Variants in CTNNA1 observed in about 807,000 individuals in gnomAD.
CTNNA1 encodes the protein catenin alpha 1, also known as catenin alpha-1.
Under a neutral mutation model 98.4 loss-of-function variants are expected in CTNNA1, and 37 were observed. That is an observed-to-expected ratio of 0.38 (90% confidence interval 0.29 to 0.49). The LOEUF is 0.49. CTNNA1 is among the 20% of genes least tolerant of loss of function. The pLI, the probability that CTNNA1 is intolerant of heterozygous loss-of-function variation, is 0.95. For synonymous variants in CTNNA1, 404 were observed against 413.2 expected (o/e 0.98, Z 0.27); for missense variants, 761 against 1,147.2 (o/e 0.66, Z 4.86).
At chr5:138,828,462 C>A (rs1760946228) in intron 7 of CTNNA1, among the ~76,000 whole-genome samples, 1 of 151,730 alleles carries the variant, frequency 6.6e-6, no homozygotes, top group Middle Eastern at 3.2e-3. Context: ...TATACTTCTT[C>A]TATTCTGGTT....
At position 138,767,071 on chromosome 5, in the gene CTNNA1, C is replaced by G. The variant is rs143929596; in HGVS notation, c.-3+13561C>G. Among the ~76,000 whole-genome samples, 721 of 152,246 alleles carry G rather than the reference C, an allele frequency of 4.7e-3. 2 individuals are homozygous for G. Among genetic ancestry groups the G allele is most frequent in the African/African-American group, 0.015 (606 of 41,520 alleles). On this transcript the variant is annotated intron_variant, in intron 1 of 17. Transcript: ENST00000302763. ...TTTTTTTTGAGACAAGAGTCTCGCT[C>G]TGTCGTCCAGGCTGGAGTGCAGTGG... is the stretch of plus-strand genomic sequence containing the variant.
chr5:138,887,810 T>A, intron 9 of CTNNA1, 168 bp downstream of exon 9: 1 of 579,574 alleles, frequency 1.7e-6, no homozygotes, highest in Non-Finnish European at 3.0e-6. Flanking sequence ...ACTACCATTT[T>A]GGTCACTTTA....
At chr5:138,828,633 T>C (rs940422613) in intron 7 of CTNNA1, among the ~76,000 whole-genome samples, 1 of 152,218 alleles carries the variant, frequency 6.6e-6, no homozygotes. Flanking sequence ...TTTACCTGTT[T>C]AACACCTAAA....
At chr5:138,823,994 A>G (rs937389599) in intron 5 of CTNNA1, among the ~76,000 whole-genome samples, 6 of 146,354 alleles carry the variant, frequency 4.1e-5, no homozygotes, top group Admixed American at 4.1e-4. Context: ...AAATTATGTA[A>G]CTTGATAAAA....
intron 9 of CTNNA1, among the ~76,000 whole-genome samples, chr5:138,889,100 G>C (rs1433869295): frequency 2.0e-5 from 3 of 152,186 alleles, no homozygotes; most frequent in Non-Finnish European, 2.9e-5. Context: ...ATAACTTCCA[G>C]ATACACACAG....
At chr5:138,787,247 G>A (rs552293556) in intron 3 of CTNNA1, among the ~76,000 whole-genome samples, 2 of 152,250 alleles carry the variant, frequency 1.3e-5, no homozygotes, top group South Asian at 4.1e-4. Flanking sequence ...TGGCTAACAC[G>A]GTGAAACCCC....
At chr5:138,784,814 C>T (rs1319494507) in intron 3 of CTNNA1, among the ~76,000 whole-genome samples, 1 of 152,128 alleles carries the variant, frequency 6.6e-6, no homozygotes, top group Non-Finnish European at 1.5e-5. Context: ...AGACATGTTA[C>T]TCCAGTCTCT....
At chr5:138,867,012 A>G (rs144259226) in intron 7 of CTNNA1, among the ~76,000 whole-genome samples, 1 of 152,234 alleles carries the variant, frequency 6.6e-6, no homozygotes, top group South Asian at 2.1e-4. Context: ...CATATAGACA[A>G]AATTAATTAA....
chr5:138,831,915 G>GT (rs1239614364), intron 7 of CTNNA1, among the ~76,000 whole-genome samples: 1 of 152,186 alleles, frequency 6.6e-6, no homozygotes, highest in Non-Finnish European at 1.5e-5. Context: ...TGCTAAGGAG[G>GT]TAATAGTGTG....
At chr5:138,814,156 T>C (rs116219375) in intron 5 of CTNNA1, among the ~76,000 whole-genome samples, 2 of 152,186 alleles carry the variant, frequency 1.3e-5, no homozygotes, top group East Asian at 3.8e-4. Context: ...GACTAACTTA[T>C]ATATGAGATC....
At chr5:138,919,271 A>C (rs932685900) in intron 11 of CTNNA1, among the ~76,000 whole-genome samples, 1 of 152,178 alleles carries the variant, frequency 6.6e-6, no homozygotes, top group Non-Finnish European at 1.5e-5. Flanking sequence ...TTCACAGCAC[A>C]CTTTTAAGCA....
chr5:138,790,971 A>T (rs1239933756), intron 3 of CTNNA1: 1 of 152,220 alleles, frequency 6.6e-6, no homozygotes, highest in Non-Finnish European at 1.5e-5. Context: ...CCTCTTCTTC[A>T]GTGCTGAAAA....
At chr5:138,818,760 T>C (rs1759708140) in intron 5 of CTNNA1, among the ~76,000 whole-genome samples, 1 of 152,166 alleles carries the variant, frequency 6.6e-6, no homozygotes, top group South Asian at 2.1e-4. Context: ...GAGACTTAGC[T>C]GACTGGGTCC....
At chr5:138,828,592 C>T (rs978647399) in intron 7 of CTNNA1, among the ~76,000 whole-genome samples, 12 of 152,138 alleles carry the variant, frequency 7.9e-5, no homozygotes, top group African/African-American at 2.7e-4. Context: ...AGAAGGACAA[C>T]AACACAAATT....
intron 7 of CTNNA1, among the ~76,000 whole-genome samples, chr5:138,831,169 G>A (rs891552012): frequency 2.6e-5 from 4 of 152,076 alleles, no homozygotes; most frequent in African/African-American, 9.7e-5. Context: ...ACACACATTC[G>A]TAAAGTGTCT....
At chr5:138,891,814 G>A (rs1424449925) in intron 9 of CTNNA1, among the ~76,000 whole-genome samples, 1 of 152,074 alleles carries the variant, frequency 6.6e-6, no homozygotes, top group Non-Finnish European at 1.5e-5. Flanking sequence ...AGATACATAT[G>A]TGAAAGGAAA....
At chr5:138,918,568 G>A (rs28363468) in intron 11 of CTNNA1, among the ~76,000 whole-genome samples, 1,963 of 152,200 alleles carry the variant, frequency 0.013, 47 homozygotes, top group African/African-American at 0.04. Flanking sequence ...CACAAAAACA[G>A]TTGATTTCAT....
intron 10 of CTNNA1, among the ~76,000 whole-genome samples, chr5:138,911,800 C>A (rs1192585039): frequency 6.6e-6 from 1 of 152,154 alleles, no homozygotes; most frequent in African/African-American, 2.4e-5. Context: ...TTGTACTAAT[C>A]CAGGCAAGAG....
intron 9 of CTNNA1, among the ~76,000 whole-genome samples, chr5:138,898,935 C>T (rs1194985690): frequency 6.6e-6 from 1 of 152,064 alleles, no homozygotes; most frequent in African/African-American, 2.4e-5. Flanking sequence ...GTTACTAATT[C>T]TCTTTTCAGT....
Sources: allele counts gnomAD v4.1 joint callset (sites outside exome capture counted in the v4.1 genomes callset), GRCh38; gene constraint gnomAD v4.1.1; transcripts MANE v1.5; gene names NCBI Gene and HGNC (gene_info 2026-07-23, HGNC 2026-07-21).